SLC22A14: variants seen among roughly 807,000 people sequenced by gnomAD.
The protein encoded by SLC22A14 is solute carrier family 22 member 14.
In SLC22A14, 50 loss-of-function variants were observed where a neutral mutation model predicts 53.9. The observed-to-expected ratio is 0.93, with a 90% CI of 0.74 to 1.17. The LOEUF (loss-of-function observed/expected upper bound fraction) is 1.17. SLC22A14 is among the 50% of genes most tolerant of loss of function. The probability of loss-of-function intolerance (pLI) is 0.00; values close to 1 mark genes in which losing one functional copy is unlikely to be tolerated. For missense variants in SLC22A14, 671 were observed against 734.7 expected (o/e 0.91, Z 1.00); for synonymous variants, 312 against 303.0 (o/e 1.03, Z -0.31).
intron 1 of SLC22A14, among the ~76,000 whole-genome samples, chr3:38,291,563 G>T (rs969814453): frequency 1.3e-5 from 2 of 152,200 alleles, no homozygotes; most frequent in Non-Finnish European, 2.9e-5. Context: ...TACTAGGACT[G>T]CTACTGCCGC....
In SLC22A14 at chr3:38,313,815, AT is replaced by A; in HGVS notation, c.1253del (p.Ile418ThrfsTer25). 6.2e-7 allele frequency: 1 copy of A among 1,614,128 alleles called. No homozygotes were observed. Among genetic ancestry groups the A allele is most frequent in the Non-Finnish European group, 8.5e-7 (1 of 1,180,008 alleles). ...SVHFRHVVPS[I>X]MEVPARLCCI... ...CCACTTCAGACACGTGGTCCCCAGC[AT>A]CATGGAGGTGCCTGCCCGGCTGTGC... On this transcript the variant is annotated frameshift_variant, in exon 8 of 11. Coordinates refer to ENST00000448498, the MANE Select transcript of SLC22A14 (RefSeq NM_001320033.2). LOFTEE classifies it high-confidence loss of function.
chr3:38,297,830 T>C (rs1050123236), intron 1 of SLC22A14, among the ~76,000 whole-genome samples: 7 of 152,230 alleles, frequency 4.6e-5, no homozygotes, highest in African/African-American at 1.7e-4. Flanking sequence ...TTCCCCTTTG[T>C]AAATGATAAG....
rs905681731 is a variant in SLC22A14 at position 38,306,067 on chromosome 3, A to G, written c.41A>G (p.Gln14Arg). 1.2e-6 allele frequency: 2 copies of G among 1,613,864 alleles called. No homozygotes were observed. Among genetic ancestry groups the G allele is most frequent in the African/African-American group, 2.7e-5 (2 of 74,932 alleles). The change falls in exon 2 of 11, where the codon CAG (glutamine) becomes CGG (arginine). Residue 14 changes from glutamine to arginine, a missense_variant. Gln to Arg is a conservative substitution (Grantham distance 43). Coordinates refer to ENST00000448498, the MANE Select transcript of SLC22A14 (RefSeq NM_001320033.2). ...AACTTCAAGGAAGAGCTCAGATCCC[A>G]GGATGCTTCCAGGAACTTGAACCAG... The part of the protein sequence containing the change: ...EENFKEELRS[Q>R]DASRNLNQHE...
intron 1 of SLC22A14, among the ~76,000 whole-genome samples, chr3:38,291,190 G>C (rs1412346865): frequency 6.6e-6 from 1 of 152,076 alleles, no homozygotes; most frequent in Non-Finnish European, 1.5e-5. Flanking sequence ...AATTATTACT[G>C]ACCACTGCAT....
In SLC22A14 at chr3:38,316,544, G is replaced by A; in HGVS notation, c.1733+20G>A. ...GATAAGGTAGGTGTGGGAGCCTCCT[G>A]GGCTGTGCCAGCACGGGGCCTGGCT... On this transcript the variant is annotated intron_variant, in intron 10 of 10. Coordinates refer to ENST00000448498, the MANE Select transcript of SLC22A14 (RefSeq NM_001320033.2). 2 of 1,610,630 alleles carry A rather than the reference G, an allele frequency of 1.2e-6. No homozygotes were observed. Among genetic ancestry groups the A allele is most frequent in the East Asian group, 2.2e-5 (1 of 44,816 alleles).
chr3:38,284,567 G>C (rs527755932), intron 1 of SLC22A14, among the ~76,000 whole-genome samples: 4 of 152,208 alleles, frequency 2.6e-5, no homozygotes, highest in Non-Finnish European at 5.9e-5. Context: ...TGGCAGAAAT[G>C]AGAGGAAGAA....
chr3:38,284,019 A>G lies in SLC22A14; in HGVS notation c.-1+1680A>G, dbSNP rs142168323. ...GCAGTTAAATCACATTCCAAGACAC[A>G]GTGAGGCACCAAATGGGCTAGCCAA... is the stretch of plus-strand genomic sequence containing the variant. On this transcript the variant is annotated intron_variant, in intron 1 of 10. Transcript: ENST00000448498. Among the ~76,000 whole-genome samples, 504 of 152,298 alleles carry G rather than the reference A, an allele frequency of 3.3e-3. 5 individuals are homozygous for G. The highest frequency in any genetic ancestry group is 0.012 in the African/African-American group (491 of 41,574).
rs750854012 is a variant in SLC22A14 at position 38,307,409 on chromosome 3, A to T, written c.620+52A>T. The T allele has an allele frequency of 2.6e-6, 4 of 1,521,472 alleles. No homozygotes were observed. The highest frequency in any genetic ancestry group is 3.7e-6 in the Non-Finnish European group (4 of 1,095,760). The allele number at this position is 1,521,472 out of a possible 1,614,324, so 94.2% of individuals were successfully genotyped here. Reference sequence around the variant, plus strand: ...CCCCGAGCCATCCCAACTCCTCCTCATGGGCATTCAGGGTTGGAGTGTGTC... The same window carrying T: ...CCCCGAGCCATCCCAACTCCTCCTCTTGGGCATTCAGGGTTGGAGTGTGTC... On this transcript the variant is annotated intron_variant, in intron 3 of 10. Coordinates refer to ENST00000448498, the MANE Select transcript of SLC22A14 (RefSeq NM_001320033.2). This position sits in a 1 kb window ranked among gnomAD's most constrained non-coding sequence, Gnocchi z 4.4.
chr3:38,288,120 G>C (rs1195073547), intron 1 of SLC22A14, among the ~76,000 whole-genome samples: 2 of 152,054 alleles, frequency 1.3e-5, no homozygotes, highest in African/African-American at 4.8e-5. Context: ...CTCAGTCCCT[G>C]GTAACCACCA....
chr3:38,305,915 T>C (rs1332182795), intron 1 of SLC22A14, 112 bp from the exon 2 acceptor site: 24 of 1,026,942 alleles, frequency 2.3e-5, no homozygotes, highest in Non-Finnish European at 3.0e-5. Flanking sequence ...AAGGTTGGAA[T>C]CCATATTGCT....
rs200224445 is a variant in SLC22A14 at position 38,316,361 on chromosome 3, G to A, written c.1570G>A (p.Ala524Thr). ...GLGLVSLASV[A>T]GAILSLTIIS... ...GGGGCTGGTGTCTCTGGCCTCGGTG[G>A]CTGGAGCCATCTTGTCCCTGACAAT... The change falls in exon 10 of 11, where the codon GCT becomes ACT. Residue 524 changes from alanine to threonine, a missense_variant. Transcript: ENST00000448498. 25 of 1,614,022 alleles carry A rather than the reference G, an allele frequency of 1.5e-5. No individual in the cohort carries two copies. Among genetic ancestry groups the A allele is most frequent in the South Asian group, 3.3e-5 (3 of 91,078 alleles).
In SLC22A14 at chr3:38,285,581, C is replaced by T. The variant is rs968510655; in HGVS notation, c.-1+3242C>T. On this transcript the variant is annotated intron_variant, in intron 1 of 10. Coordinates refer to ENST00000448498, the MANE Select transcript of SLC22A14 (RefSeq NM_001320033.2). ...TCTGAGGCTTACTTTTTTCACTGAA[C>T]ATCCTGTTTTTGAGACTCATACAGG... 1.1e-4 allele frequency among the ~76,000 whole-genome samples: 16 copies of T among 152,214 alleles called. 1 individual carries two copies. The highest frequency in any genetic ancestry group is 3.9e-4 in the African/African-American group (16 of 41,450).
rs563215816 is a variant in SLC22A14, at chr3:38,294,462, T to C, written c.1-11565T>C. ...AGGTGGTACTGCAGAAGAAAATAAG[T>C]CATTTCTTTCTTAGCGTCTGAGGGT... On this transcript the variant is annotated intron_variant, in intron 1 of 10. Transcript: ENST00000448498. Among the ~76,000 whole-genome samples, 5 of 152,132 alleles carry C rather than the reference T, an allele frequency of 3.3e-5. No individual in the cohort carries two copies. In the East Asian group the frequency reaches 9.7e-4, roughly 29 times the overall value.
At chr3:38,310,287 A>C (rs1430053553) in intron 5 of SLC22A14, among the ~76,000 whole-genome samples, 1 of 152,136 alleles carries the variant, frequency 6.6e-6, no homozygotes, top group Non-Finnish European at 1.5e-5. Flanking sequence ...CTGAGGTGGG[A>C]GGATCACTTG....
At chr3:38,313,645 T>C in intron 7 of SLC22A14, 82 bp from the exon 8 acceptor site, 1 of 1,069,116 alleles carries the variant, frequency 9.4e-7, no homozygotes, top group Non-Finnish European at 1.4e-6. Flanking sequence ...CCCTGACCCT[T>C]GCTGCTCTGC....
At chr3:38,290,512 G>T (rs897162078) in intron 1 of SLC22A14, among the ~76,000 whole-genome samples, 4 of 151,592 alleles carry the variant, frequency 2.6e-5, no homozygotes, top group Non-Finnish European at 1.5e-5. Flanking sequence ...TATTTCTTTG[G>T]CACACTTTAC....
Position 38,316,469 on chromosome 3 carries a change from C to T in SLC22A14, c.1678C>T (p.Pro560Ser), listed in dbSNP as rs745521792. The T allele has an allele frequency of 1.1e-5, 17 of 1,613,994 alleles. No individual in the cohort carries two copies. The highest frequency in any genetic ancestry group is 1.4e-5 in the Non-Finnish European group (16 of 1,179,976). The change falls in exon 10 of 11, where the codon CCG becomes TCG. Residue 560 changes from proline (P) to serine (S), a missense_variant. Pro to Ser is a moderately conservative substitution (Grantham distance 74, BLOSUM62 -1). Transcript: ENST00000448498. ...IVAFSLSSLL[P>S]ETRDQPLSES... is the part of the protein sequence containing the mutation. ...GGCCTTTTCCCTCTCCTCCCTGCTG[C>T]CGGAAACGCGAGATCAGCCCCTCTC...
At chr3:38,294,642 A>C (rs1703986978) in intron 1 of SLC22A14, among the ~76,000 whole-genome samples, 1 of 152,036 alleles carries the variant, frequency 6.6e-6, no homozygotes, top group South Asian at 2.1e-4. Flanking sequence ...CCTAGTGCTT[A>C]TTCCTTTCCA....
chr3:38,287,110 CGT>C (rs142227069), intron 1 of SLC22A14, among the ~76,000 whole-genome samples: 3,338 of 150,346 alleles, frequency 0.022, 101 homozygotes, highest in African/African-American at 0.074. Flanking sequence ...TGTGTGTGTG[CGT>C]GTGTGTGTGT....
Sources: allele counts gnomAD v4.1 joint callset (sites outside exome capture counted in the v4.1 genomes callset), GRCh38; gene constraint gnomAD v4.1.1; non-coding constraint Gnocchi (gnomAD v3.1); transcripts MANE v1.5; gene names NCBI Gene and HGNC (gene_info 2026-07-23, HGNC 2026-07-21).